Variants in C11orf58 observed in about 807,000 individuals in gnomAD.
C11orf58 encodes small acidic protein.
In C11orf58, 5 loss-of-function variants were observed where a neutral mutation model predicts 22.7. That is an observed-to-expected ratio of 0.22 (90% CI 0.12 to 0.46). The LOEUF (loss-of-function observed/expected upper bound fraction) is 0.46, where lower values mean the gene tolerates loss of function less well. C11orf58 is among the 20% of genes least tolerant of loss of function. The pLI is 0.99. For synonymous variants in C11orf58, 71 were observed against 70.7 expected (o/e 1.00, Z -0.02); for missense variants, 151 against 223.3 (o/e 0.68, Z 2.06).
intron 1 of C11orf58, among the ~76,000 whole-genome samples, chr11:16,740,806 C>T (rs1418973407): frequency 7.1e-6 from 1 of 140,794 alleles, no homozygotes; most frequent in Non-Finnish European, 1.6e-5. Context: ...AAAAAAAAAA[C>T]TAGCAGGCCG....
chr11:16,742,335 G>A (rs1248255075), intron 1 of C11orf58, among the ~76,000 whole-genome samples: 1 of 152,168 alleles, frequency 6.6e-6, no homozygotes, highest in Admixed American at 6.5e-5. Context: ...CTGTGCCTCA[G>A]TGTCTTAAGA....
chr11:16,754,498 TTTTTTTC>T (rs1176208792), intron 4 of C11orf58, among the ~76,000 whole-genome samples: 1 of 135,190 alleles, frequency 7.4e-6, no homozygotes, highest in Non-Finnish European at 1.6e-5. Context: ...GCCTGGCTAA[TTTTTTTC>T]TTTTTTCTTT....
chr11:16,744,958 T>G (rs1848476633), intron 2 of C11orf58, among the ~76,000 whole-genome samples: 1 of 152,190 alleles, frequency 6.6e-6, no homozygotes, highest in African/African-American at 2.4e-5. Flanking sequence ...ATGTCAAAGT[T>G]TATGATTTGC....
intron 1 of C11orf58, 25 bp from the exon 2 acceptor site, chr11:16,744,576 T>C: frequency 6.2e-6 from 10 of 1,603,966 alleles, no homozygotes; most frequent in Non-Finnish European, 8.5e-6. Flanking sequence ...GCAAAAAAAA[T>C]TTAATCAACC....
chr11:16,753,364 C>T (rs1206466926), intron 4 of C11orf58, among the ~76,000 whole-genome samples: 2 of 151,776 alleles, frequency 1.3e-5, no homozygotes, highest in African/African-American at 2.4e-5. Flanking sequence ...CCACCATACC[C>T]GGCCTTTTAT....
chr11:16,754,879 C>G lies in C11orf58; in HGVS notation c.327C>G (p.Asp109Glu). The G allele has an allele frequency of 6.2e-7, 1 of 1,613,680 alleles. No homozygotes were observed. Among genetic ancestry groups the G allele is most frequent in the Non-Finnish European group, 8.5e-7 (1 of 1,179,916 alleles). ...HCGLGFSEVEDHDGEGDVAGD... is the reference protein window; with the variant it reads ...HCGLGFSEVEEHDGEGDVAGD... The stretch of plus-strand genomic sequence containing the variant: ...GTTGATTGATGTTTTAGGTAGAAGA[C>G]CATGATGGAGAAGGTGATGTGGCTG... Residue 109 changes from aspartate (D) to glutamate (E), a missense_variant, in exon 5 of 5, where the codon GAC (aspartate) becomes GAG (glutamate). Around this residue, in one of 3 missense-constraint regions of C11orf58, gnomAD observed 112 missense variants for 162.6 expected, o/e 0.69. Transcript: ENST00000228136.
In C11orf58 at chr11:16,757,931, C is replaced by T. The variant is rs1848594443; in HGVS notation, c.*2827C>T. 6.6e-6 allele frequency among the ~76,000 whole-genome samples: 1 copy of T among 152,186 alleles called. No individual in the cohort carries two copies. The highest frequency in any genetic ancestry group is 2.1e-4 in the South Asian group (1 of 4,828). On this transcript the variant is annotated 3_prime_UTR_variant, in exon 5 of 5. Transcript: ENST00000228136. ...AACCACAGTTTGAGAGCACAAAGGT[C>T]ACATTCTTTCAGTAAATTTGGGGGA...
chr11:16,752,795 C>A lies in C11orf58; in HGVS notation c.219C>A (p.Asp73Glu). 3 of 1,606,714 alleles carry A rather than the reference C, an allele frequency of 1.9e-6. No individual in the cohort carries two copies. The highest frequency in any genetic ancestry group is 1.7e-5 in the Admixed American group (1 of 58,854). Residue 73 changes from aspartate to glutamate, a missense_variant, in exon 4 of 5, where the codon GAC becomes GAA. By Grantham distance (45) the Asp-to-Glu change is conservative. This residue lies in a region of C11orf58 where 112 missense variants were observed against 162.6 expected (regional missense o/e 0.69). Transcript: ENST00000228136. ...ATCCTGGACATGCAGGGGAAGAAGACAAGAAAATTAATGAAGAACTGGAGT... is the reference window on the plus strand; with the variant it reads ...ATCCTGGACATGCAGGGGAAGAAGAAAAGAAAATTAATGAAGAACTGGAGT... ...STSHFRTGEEDKKINEELESQ... is the reference protein window; with the variant it reads ...STSHFRTGEEEKKINEELESQ...
chr11:16,738,757 T>C lies in C11orf58; in HGVS notation c.-22T>C. 1 of 1,613,890 alleles carries C rather than the reference T, an allele frequency of 6.2e-7. No homozygotes were observed. The highest frequency in any genetic ancestry group is 8.5e-7 in the Non-Finnish European group (1 of 1,179,976). ...AAGAGCGGCGAGAGGGTTCGGCATT[T>C]TTCGTCGGGATCCCCGCAAGGATGA... On this transcript the variant is annotated 5_prime_UTR_variant, in exon 1 of 5. Transcript: ENST00000228136.
chr11:16,749,005 G>C (rs1848510819), intron 3 of C11orf58: 1 of 152,024 alleles, frequency 6.6e-6, no homozygotes, highest in South Asian at 2.1e-4. Flanking sequence ...TGTCATAGTT[G>C]GCATTTGGTT....
chr11:16,750,206 C>G (rs770760849), intron 3 of C11orf58: 1 of 152,210 alleles, frequency 6.6e-6, no homozygotes, highest in South Asian at 2.1e-4. Context: ...TCCAAACCTG[C>G]TTTGTCTAAT....
chr11:16,748,790 T>C (rs530391230), intron 3 of C11orf58, among the ~76,000 whole-genome samples: 51 of 152,066 alleles, frequency 3.4e-4, no homozygotes, highest in Non-Finnish European at 6.6e-4. Flanking sequence ...ATGTTACATA[T>C]ATAAAGTATC....
At chr11:16,751,744 A>G (rs1337896898) in intron 3 of C11orf58, 2 of 152,200 alleles carry the variant, frequency 1.3e-5, no homozygotes, top group Admixed American at 6.5e-5. Flanking sequence ...TCAGCCTTCA[A>G]AGAGTTTGAG....
chr11:16,748,179 A>C, intron 3 of C11orf58, 22 bp downstream of exon 3: 1 of 1,580,486 alleles, frequency 6.3e-7, no homozygotes. Context: ...AAGTGTAATT[A>C]AAATGGAAGT....
At chr11:16,742,440 C>G (rs1291829913) in intron 1 of C11orf58, among the ~76,000 whole-genome samples, 1 of 152,148 alleles carries the variant, frequency 6.6e-6, no homozygotes, top group African/African-American at 2.4e-5. Context: ...TAGTGATTGT[C>G]AGAACTGAAG....
intron 1 of C11orf58, among the ~76,000 whole-genome samples, chr11:16,740,466 G>C (rs1405322427): frequency 1.3e-5 from 2 of 151,726 alleles, no homozygotes; most frequent in Non-Finnish European, 2.9e-5. Flanking sequence ...TGGCACGATC[G>C]ATCAGTGCTC....
rs966860287 is a variant in C11orf58 at position 16,756,314 on chromosome 11, G to C, written c.*1210G>C. On this transcript the variant is annotated 3_prime_UTR_variant, in exon 5 of 5. Transcript: ENST00000228136. ...AGACGGAGTCTCATTCTGTCGCCCA[G>C]GCTGGAGTGCAGTGGCGCGATCTCA... The C allele has an allele frequency of 2.1e-5, 3 of 142,634 alleles. No homozygotes were observed. Among genetic ancestry groups the C allele is most frequent in the African/African-American group, 8.0e-5 (3 of 37,696 alleles). 8.8% of individuals were successfully genotyped at this position (142,634 alleles called of 1,614,324 possible).
At chr11:16,743,966 TAA>T (rs1187303535) in intron 1 of C11orf58, among the ~76,000 whole-genome samples, 8 of 149,394 alleles carry the variant, frequency 5.4e-5, no homozygotes, top group African/African-American at 9.9e-5. Context: ...TTTTAAAAAA[TAA>T]GTTTTCTCTT....
intron 1 of C11orf58, among the ~76,000 whole-genome samples, chr11:16,740,372 A>G (rs1390696164): frequency 6.6e-6 from 1 of 152,130 alleles, no homozygotes; most frequent in African/African-American, 2.4e-5. Context: ...TCCCAATCAT[A>G]TAAGCGTATC....
Sources: gnomAD v4.1 joint callset for allele counts (sites outside exome capture counted in the v4.1 genomes callset) on GRCh38, gnomAD v4.1.1 for gene constraint, gnomAD v4.1.1 regional missense constraint, MANE v1.5 for transcripts, NCBI Gene and HGNC (gene_info 2026-07-23, HGNC 2026-07-21) for gene names.